CRMP1: variants seen among roughly 807,000 people sequenced by gnomAD.
The protein encoded by CRMP1 is collapsin response mediator protein 1, also known as dihydropyrimidinase-related protein 1.
Under a neutral mutation model 68.3 loss-of-function variants are expected in CRMP1, and 19 were observed. The ratio of observed to expected loss-of-function variants is 0.28; its 90% CI spans 0.19 to 0.41. CRMP1 has a LOEUF of 0.41. CRMP1 is among the 10% of genes least tolerant of loss of function. The pLI is 1.00. For missense variants in CRMP1, 791 were observed against 967.4 expected (o/e 0.82, Z 2.42); for synonymous variants, 439 against 399.6 (o/e 1.10, Z -1.18).
Position 5,889,678 on chromosome 4 carries a change from T to A in CRMP1, c.381+2911A>T, listed in dbSNP as rs73795103. The A allele has an allele frequency of 2.2e-3, 3,375 of 1,536,080 alleles. 57 individuals are homozygous for A. The African/African-American group carries it at 0.04, about 18-fold the overall frequency. ...TGCATGCGAAATCCAACCCCACAGG[T>A]CCTATGAAACTACTCATCTTTTCTG... On this transcript the variant is annotated intron_variant, in intron 1 of 13. Transcript: ENST00000324989. This position sits in a 1 kb window ranked among gnomAD's most constrained non-coding sequence, Gnocchi z 4.5.
rs200397455 is a variant in CRMP1 at position 5,842,592 on chromosome 4, A to T, written c.1032+501T>A. Among the ~76,000 whole-genome samples the T allele has an allele frequency of 1.8e-5, 2 of 108,854 alleles. No individual in the cohort carries two copies. Among genetic ancestry groups the T allele is most frequent in the East Asian group, 7.7e-4 (2 of 2,584 alleles). The allele number at this position is 108,854 out of a possible 152,430, so 71.4% of individuals were successfully genotyped here. A position where few individuals can be genotyped will look rare whatever the true frequency, so the allele number is the denominator to read the frequency against. Reference sequence around the variant, plus strand: ...CATGCACATGCACCCACACTCACACACTCTCTCACACACACACACACACAC... The same window carrying T: ...CATGCACATGCACCCACACTCACACTCTCTCTCACACACACACACACACAC... On this transcript the variant is annotated intron_variant, in intron 7 of 13. Coordinates refer to ENST00000324989, the MANE Select transcript of CRMP1 (RefSeq NM_001014809.3). This position sits in a 1 kb window ranked among gnomAD's most constrained non-coding sequence, Gnocchi z 4.5.
chr4:5,824,449 T>C, intron 13 of CRMP1: 10 of 985,356 alleles, frequency 1.0e-5, no homozygotes, highest in Non-Finnish European at 1.2e-5. Context: ...GGATAAGAGG[T>C]TCTGCCACCA....
intron 9 of CRMP1, among the ~76,000 whole-genome samples, chr4:5,839,168 CAGAG>C (rs1560493444): frequency 2.0e-5 from 3 of 152,328 alleles, no homozygotes; most frequent in South Asian, 2.1e-4. Context: ...ACGAGGGAGA[CAGAG>C]AGATGTCACG....
Position 5,892,709 on chromosome 4 carries a change from G to C in CRMP1, c.261C>G (p.Asp87Glu), listed in dbSNP as rs1301064235. 1.3e-5 allele frequency: 16 copies of C among 1,226,678 alleles called. No homozygotes were observed. In the East Asian group the frequency reaches 5.7e-4, roughly 43 times the overall value. 76.0% of individuals were successfully genotyped at this position (1,226,678 alleles called of 1,614,324 possible). ...GPGGSEDTAS[D>E]VSEPSGSAVS... is the part of the protein sequence containing the mutation. ...CCGCGGAGCCCGAGGGCTCGCTCAC[G>C]TCGCTGGCCGTGTCCTCGCTGCCTC... Residue 87 changes from aspartate to glutamate, a missense_variant, in exon 1 of 14, where the codon GAC becomes GAG. Asp to Glu is a conservative substitution (Grantham distance 45). Around this residue, in one of 3 missense-constraint regions of CRMP1, gnomAD observed 193 missense variants for 186.3 expected, o/e 1.04. Coordinates refer to ENST00000324989, the MANE Select transcript of CRMP1 (RefSeq NM_001014809.3). This position sits in a 1 kb window ranked among gnomAD's most constrained non-coding sequence, Gnocchi z 8.6.
At position 5,850,862 on chromosome 4, in the gene CRMP1, G is replaced by A. The variant is rs541416380; in HGVS notation, c.882+546C>T. On this transcript the variant is annotated intron_variant, in intron 5 of 13. Transcript: ENST00000324989. The surrounding 1 kb of genome is among the most constrained non-coding windows in gnomAD (Gnocchi z 4.4). ...CCACTCCTCCTGAAGAACAACTTGC[G>A]GCTCCATATCCCTTGACTTGGTGCA... Among the ~76,000 whole-genome samples, 4 of 152,304 alleles carry A rather than the reference G, an allele frequency of 2.6e-5. No homozygotes were observed. Among genetic ancestry groups the A allele is most frequent in the Non-Finnish European group, 4.4e-5 (3 of 68,030 alleles).
chr4:5,866,615 C>A lies in CRMP1; in HGVS notation c.470+53G>T. On this transcript the variant is annotated intron_variant, in intron 2 of 13. Coordinates refer to ENST00000324989, the MANE Select transcript of CRMP1 (RefSeq NM_001014809.3). This position sits in a 1 kb window ranked among gnomAD's most constrained non-coding sequence, Gnocchi z 5.9. The stretch of plus-strand genomic sequence containing the variant: ...TGCCAGCCTTCTGTTCCATCTAAGG[C>A]CAGGCAGCCTGGCGACACAGGTTTC... The A allele has an allele frequency of 7.3e-7, 1 of 1,377,014 alleles. No individual in the cohort carries two copies. Among genetic ancestry groups the A allele is most frequent in the Non-Finnish European group, 1.0e-6 (1 of 970,824 alleles). The allele number at this position is 1,377,014 out of a possible 1,614,324, so 85.3% of individuals were successfully genotyped here.
intron 11 of CRMP1, among the ~76,000 whole-genome samples, chr4:5,829,767 C>T (rs1004136541): frequency 2.6e-5 from 4 of 152,232 alleles, no homozygotes; most frequent in Admixed American, 1.3e-4. Context: ...GGAGGATGTA[C>T]TACCATTTAT....
chr4:5,847,959 T>A (rs567887297), intron 6 of CRMP1, among the ~76,000 whole-genome samples: 1 of 152,268 alleles, frequency 6.6e-6, no homozygotes, highest in South Asian at 2.1e-4. Context: ...TTATAACCAA[T>A]CCATGCCTCT....
rs967262093 is a variant in CRMP1 at position 5,870,179 on chromosome 4, G to C, written c.382-3423C>G. 6.6e-6 allele frequency among the ~76,000 whole-genome samples: 1 copy of C among 152,156 alleles called. No individual in the cohort carries two copies. The highest frequency in any genetic ancestry group is 2.4e-5 in the African/African-American group (1 of 41,428). On this transcript the variant is annotated intron_variant, in intron 1 of 13. Coordinates refer to ENST00000324989, the MANE Select transcript of CRMP1 (RefSeq NM_001014809.3). The surrounding 1 kb of genome is among the most constrained non-coding windows in gnomAD (Gnocchi z 6.0). ...CAGTCTTCCTGCTCCTACTTGCTTT[G>C]GGCCCTGCTTGATGTTACTTATCTG... is the stretch of plus-strand genomic sequence containing the variant.
chr4:5,849,339 G>T, intron 6 of CRMP1, 53 bp downstream of exon 6: 2 of 1,437,352 alleles, frequency 1.4e-6, no homozygotes, highest in Non-Finnish European at 2.0e-6. Context: ...CAAACCTTTT[G>T]CAACAAGGAG....
rs41264693 is a variant in CRMP1 at position 5,889,863 on chromosome 4, G to A, written c.381+2726C>T. On this transcript the variant is annotated intron_variant, in intron 1 of 13. Transcript: ENST00000324989. This position sits in a 1 kb window ranked among gnomAD's most constrained non-coding sequence, Gnocchi z 4.5. The stretch of plus-strand genomic sequence containing the variant: ...ACCTGGGCCTTAAAATAGAGGTGAG[G>A]TTTTAGCTTCACAGAGAAGCCAGCT... The A allele has an allele frequency of 7.0e-7, 1 of 1,434,868 alleles. No homozygotes were observed. Among genetic ancestry groups the A allele is most frequent in the African/African-American group, 1.4e-5 (1 of 69,876 alleles). The allele number at this position is 1,434,868 out of a possible 1,614,324, so 88.9% of individuals were successfully genotyped here. A position where few individuals can be genotyped will look rare whatever the true frequency, so the allele number is the denominator to read the frequency against.
intron 6 of CRMP1, among the ~76,000 whole-genome samples, chr4:5,846,287 T>G (rs13131533): frequency 6.6e-6 from 1 of 152,072 alleles, no homozygotes; most frequent in East Asian, 1.9e-4. Context: ...CAGAATGAGA[T>G]TAAGTCTCAA....
In CRMP1 at chr4:5,821,563, G is replaced by A. The variant is rs1718560252; in HGVS notation, c.*197C>T. The A allele has an allele frequency of 6.8e-6, 4 of 588,898 alleles. No homozygotes were observed. Among genetic ancestry groups the A allele is most frequent in the Admixed American group, 2.9e-5 (1 of 33,988 alleles). The allele number at this position is 588,898 out of a possible 1,614,324, so 36.5% of individuals were successfully genotyped here. Reference sequence around the variant, plus strand: ...AGGTGGATTCAGCATGAACACAACTGTGGGGCAAGGAATTTCCAAGCAAAC... The same window carrying A: ...AGGTGGATTCAGCATGAACACAACTATGGGGCAAGGAATTTCCAAGCAAAC... On this transcript the variant is annotated 3_prime_UTR_variant, in exon 14 of 14. Transcript: ENST00000324989. This position sits in a 1 kb window ranked among gnomAD's most constrained non-coding sequence, Gnocchi z 4.4.
rs7678147 is a variant in CRMP1, at chr4:5,861,765, C to T, written c.471-555G>A. Among the ~76,000 whole-genome samples, 4,398 of 152,138 alleles carry T rather than the reference C, an allele frequency of 0.029. 89 individuals carry two copies. Among genetic ancestry groups the T allele is most frequent in the Middle Eastern group, 0.085 (25 of 294 alleles). On this transcript the variant is annotated intron_variant, in intron 2 of 13. Transcript: ENST00000324989. The surrounding 1 kb of genome is among the most constrained non-coding windows in gnomAD (Gnocchi z 6.0). The stretch of plus-strand genomic sequence containing the variant: ...CAAGGCGCTGGGGGAAGAGGCTCAG[C>T]CAGAACCAGGAAAGGAACCCTGCAG...
chr4:5,867,597 A>C (rs1714088674), intron 1 of CRMP1, among the ~76,000 whole-genome samples: 1 of 152,272 alleles, frequency 6.6e-6, no homozygotes, highest in South Asian at 2.1e-4. Context: ...CCGATCAGCT[A>C]CCGACTGATG....
chr4:5,870,673 G>A lies in CRMP1; in HGVS notation c.382-3917C>T, dbSNP rs142366246. ...AGACCAGTGTGAAGAGGCACATCCC[G>A]TTCTTCAGCAGGAGGGTCTCTGGAG... On this transcript the variant is annotated intron_variant, in intron 1 of 13. Coordinates refer to ENST00000324989, the MANE Select transcript of CRMP1 (RefSeq NM_001014809.3). The surrounding 1 kb of genome is among the most constrained non-coding windows in gnomAD (Gnocchi z 6.0). Among the ~76,000 whole-genome samples the A allele has an allele frequency of 9.9e-4, 151 of 152,318 alleles. 1 individual carries two copies. The highest frequency in any genetic ancestry group is 3.0e-3 in the African/African-American group (124 of 41,574).
rs1337150380 is a variant in CRMP1 at position 5,842,406 on chromosome 4, G to A, written c.1032+687C>T. ...ATCATACCACTGCACTGTAGCCTGGGCAACAGAGAGAGACTCCATCTCAAA... is the reference window on the plus strand; with the variant it reads ...ATCATACCACTGCACTGTAGCCTGGACAACAGAGAGAGACTCCATCTCAAA... On this transcript the variant is annotated intron_variant, in intron 7 of 13. Coordinates refer to ENST00000324989, the MANE Select transcript of CRMP1 (RefSeq NM_001014809.3). This position sits in a 1 kb window ranked among gnomAD's most constrained non-coding sequence, Gnocchi z 4.5. Among the ~76,000 whole-genome samples, 1 of 145,936 alleles carries A rather than the reference G, an allele frequency of 6.9e-6. No individual in the cohort carries two copies. The highest frequency in any genetic ancestry group is 1.5e-5 in the Non-Finnish European group (1 of 66,766).
chr4:5,824,072 A>C (rs1719133215), intron 13 of CRMP1, among the ~76,000 whole-genome samples: 1 of 152,194 alleles, frequency 6.6e-6, no homozygotes, highest in Admixed American at 6.5e-5. Flanking sequence ...GGGCCCTTCC[A>C]GGTGGCTTTT....
chr4:5,890,608 C>T lies in CRMP1; in HGVS notation c.381+1981G>A, dbSNP rs527980677. Among the ~76,000 whole-genome samples the T allele has an allele frequency of 2.0e-5, 3 of 152,342 alleles. No homozygotes were observed. The East Asian group carries it at 5.8e-4, about 29-fold the overall frequency. The stretch of plus-strand genomic sequence containing the variant: ...CGAAGCTCGAGTGCTTTCGGAGCCC[C>T]GGGAGCGCCAGAGGCGCTGCCTTTT... On this transcript the variant is annotated intron_variant, in intron 1 of 13. Transcript: ENST00000324989. This position sits in a 1 kb window ranked among gnomAD's most constrained non-coding sequence, Gnocchi z 5.5.
Sources: allele counts gnomAD v4.1 joint callset (sites outside exome capture counted in the v4.1 genomes callset), GRCh38; gene constraint gnomAD v4.1.1; regional missense constraint gnomAD v4.1.1; non-coding constraint Gnocchi (gnomAD v3.1); transcripts MANE v1.5; gene names NCBI Gene and HGNC (gene_info 2026-07-23, HGNC 2026-07-21).